The following COLEC11 variants were observed in gnomAD, a reference collection of about 807,000 sequenced individuals.
The protein encoded by COLEC11 is collectin subfamily member 11.
In COLEC11, 20 loss-of-function variants were observed where a neutral mutation model predicts 27.3. The observed-to-expected ratio is 0.73, with a 90% CI of 0.51 to 1.06. The LOEUF is 1.06. Ranked by LOEUF, COLEC11 falls within the 50% of genes least tolerant of loss-of-function variation. COLEC11 has a pLI of 0.00. For synonymous variants in COLEC11, 163 were observed against 154.7 expected (o/e 1.05, Z -0.40); for missense variants, 310 against 383.0 (o/e 0.81, Z 1.59).
intron 3 of COLEC11, chr2:3,626,035 G>A: frequency 6.2e-7 from 1 of 1,614,140 alleles, no homozygotes; most frequent in Non-Finnish European, 8.5e-7. Flanking sequence ...AGTCGTGACA[G>A]CTTCTGACAT....
Position 3,617,394 on chromosome 2 carries a change from C to T in COLEC11, c.202+4012C>T, listed in dbSNP as rs181411939. Among the ~76,000 whole-genome samples the T allele has an allele frequency of 1.8e-4, 27 of 152,276 alleles. No homozygotes were observed. In the East Asian group the frequency reaches 4.2e-3, roughly 24 times the overall value. On this transcript the variant is annotated intron_variant, in intron 3 of 6. Transcript: ENST00000349077. ...AGATGGGAGAGACAGGCGCGGCCTT[C>T]GTTGTCCGTAGTTCTTTGATGTGAA...
intron 4 of COLEC11, among the ~76,000 whole-genome samples, chr2:3,638,973 C>T (rs1215078473): frequency 6.6e-6 from 1 of 152,216 alleles, no homozygotes; most frequent in East Asian, 1.9e-4. Flanking sequence ...CTCCCCATTC[C>T]TCCTCCCCCA....
chr2:3,614,553 T>A (rs923879891), intron 3 of COLEC11, among the ~76,000 whole-genome samples: 6 of 152,166 alleles, frequency 3.9e-5, no homozygotes, highest in South Asian at 2.1e-4. Context: ...TTCTTTTTTT[T>A]AAATCAGCTT....
chr2:3,617,233 T>G (rs1373149922), intron 3 of COLEC11, among the ~76,000 whole-genome samples: 1 of 152,096 alleles, frequency 6.6e-6, no homozygotes, highest in East Asian at 1.9e-4. Context: ...AAAAAATGGC[T>G]CTCTGATTAA....
rs1480081782 is a variant in COLEC11 at position 3,604,579 on chromosome 2, T to C, written c.130+109T>C. The C allele has an allele frequency of 2.4e-6, 3 of 1,247,234 alleles. No homozygotes were observed. The African/African-American group carries it at 4.4e-5, about 18-fold the overall frequency. 77.3% of individuals were successfully genotyped at this position (1,247,234 alleles called of 1,614,324 possible). A position where few individuals can be genotyped will look rare whatever the true frequency, so the allele number is the denominator to read the frequency against. On this transcript the variant is annotated intron_variant, in intron 2 of 6. Coordinates refer to ENST00000349077, the MANE Select transcript of COLEC11 (RefSeq NM_024027.5). ...GAAAAGCACAAAGCCCCAGCAAATC[T>C]GCTTACCCCATTGGGTCTCAGTTTC...
intron 1 of COLEC11, among the ~76,000 whole-genome samples, chr2:3,600,547 A>C (rs1401747047): frequency 6.6e-6 from 1 of 152,202 alleles, no homozygotes; most frequent in Non-Finnish European, 1.5e-5. Context: ...AACCAAACAC[A>C]AGCAAAACGT....
chr2:3,640,124 G>A (rs890671809), intron 4 of COLEC11, among the ~76,000 whole-genome samples, 154 bp from the exon 5 acceptor site: 3 of 152,202 alleles, frequency 2.0e-5, no homozygotes. Context: ...CCGGAAGCAG[G>A]AATTACCTGC....
At position 3,615,937 on chromosome 2, in the gene COLEC11, G is replaced by T. The variant is rs542483935; in HGVS notation, c.202+2555G>T. ...CCCTCCCGGACGGGGGGGCTGCCGG[G>T]TGGAGATGCTCCTCACTTCCCAGAC... On this transcript the variant is annotated intron_variant, in intron 3 of 6. Coordinates refer to ENST00000349077, the MANE Select transcript of COLEC11 (RefSeq NM_024027.5). Among the ~76,000 whole-genome samples, 645 of 94,848 alleles carry T rather than the reference G, an allele frequency of 6.8e-3. 7 individuals carry two copies. The highest frequency in any genetic ancestry group is 0.011 in the Middle Eastern group (2 of 188). 62.2% of individuals were successfully genotyped at this position (94,848 alleles called of 152,430 possible).
At chr2:3,638,157 G>A (rs1322294617) in intron 4 of COLEC11, among the ~76,000 whole-genome samples, 3 of 152,248 alleles carry the variant, frequency 2.0e-5, no homozygotes, top group Non-Finnish European at 2.9e-5. Flanking sequence ...CTGCACGGCC[G>A]TGGTAAGGCG....
intron 4 of COLEC11, 131 bp downstream of exon 4, chr2:3,637,735 G>A: frequency 1.3e-6 from 1 of 794,144 alleles, no homozygotes; most frequent in Non-Finnish European, 2.2e-6. Context: ...TGGTAGATAA[G>A]AAATCTACTG....
chr2:3,603,585 G>A, intron 1 of COLEC11: 1 of 1,530,804 alleles, frequency 6.5e-7, no homozygotes, highest in Non-Finnish European at 8.9e-7. Flanking sequence ...CCAAAGTGCT[G>A]GAATTACAGG....
chr2:3,640,397 G>A, intron 5 of COLEC11, 66 bp downstream of exon 5: 2 of 757,532 alleles, frequency 2.6e-6, no homozygotes, highest in Middle Eastern at 3.6e-4. Flanking sequence ...TGAAAACAAT[G>A]TAGATCTACA....
At chr2:3,626,034 A>G in intron 3 of COLEC11, 1 of 1,614,054 alleles carries the variant, frequency 6.2e-7, no homozygotes, top group Non-Finnish European at 8.5e-7. Context: ...CAGTCGTGAC[A>G]GCTTCTGACA....
chr2:3,629,069 G>A (rs551184091), intron 3 of COLEC11, among the ~76,000 whole-genome samples: 35 of 152,318 alleles, frequency 2.3e-4, no homozygotes, highest in Non-Finnish European at 4.3e-4. Flanking sequence ...AGGTGCACGA[G>A]GCCTTGGGAG....
At chr2:3,637,811 G>T (rs1665543247) in intron 4 of COLEC11, among the ~76,000 whole-genome samples, 1 of 152,194 alleles carries the variant, frequency 6.6e-6, no homozygotes, top group African/African-American at 2.4e-5. Flanking sequence ...GTGCGGTGAA[G>T]CGCTCCCCAT....
At chr2:3,595,973 T>C (rs1661809422) in intron 1 of COLEC11, among the ~76,000 whole-genome samples, 1 of 152,234 alleles carries the variant, frequency 6.6e-6, no homozygotes, top group Admixed American at 6.5e-5. Context: ...TTGTTTACAA[T>C]TTTGAAAAAT....
chr2:3,632,488 A>G (rs1665091557), intron 3 of COLEC11, among the ~76,000 whole-genome samples: 1 of 152,046 alleles, frequency 6.6e-6, no homozygotes, highest in African/African-American at 2.4e-5. Context: ...GCTGCGTCTC[A>G]CGCGGCCTTT....
chr2:3,616,578 G>A lies in COLEC11; in HGVS notation c.202+3196G>A, dbSNP rs61597600. On this transcript the variant is annotated intron_variant, in intron 3 of 6. Transcript: ENST00000349077. Reference sequence around the variant, plus strand: ...TGGAGACCAGCCCGGCCAACACAGCGAAACCCCGTCTCCACCAAAAAAATA... The same window carrying A: ...TGGAGACCAGCCCGGCCAACACAGCAAAACCCCGTCTCCACCAAAAAAATA... Among the ~76,000 whole-genome samples the A allele has an allele frequency of 6.9e-3, 1,048 of 152,350 alleles. 13 individuals carry two copies. Among genetic ancestry groups the A allele is most frequent in the African/African-American group, 0.024 (994 of 41,574 alleles).
Position 3,640,270 on chromosome 2 carries a change from A to G in COLEC11, c.275-8A>G, listed in dbSNP as rs1015162163. 1 of 1,586,730 alleles carries G rather than the reference A, an allele frequency of 6.3e-7. No homozygotes were observed. Among genetic ancestry groups the G allele is most frequent in the Admixed American group, 1.7e-5 (1 of 59,974 alleles). On this transcript the variant is annotated splice_region_variant and splice_polypyrimidine_tract_variant and intron_variant, in intron 4 of 6. Transcript: ENST00000349077. ...CCTGGTGACTTGGACCTTGTTTTTTATTTTCAGGTGAGAAAGGAGATTCCG... is the reference window on the plus strand; with the variant it reads ...CCTGGTGACTTGGACCTTGTTTTTTGTTTTCAGGTGAGAAAGGAGATTCCG...
Sources: gnomAD v4.1 joint callset for allele counts (sites outside exome capture counted in the v4.1 genomes callset) on GRCh38, gnomAD v4.1.1 for gene constraint, MANE v1.5 for transcripts, NCBI Gene and HGNC (gene_info 2026-07-23, HGNC 2026-07-21) for gene names.